CHRM3: variants seen among roughly 807,000 people sequenced by gnomAD.
CHRM3 encodes the protein cholinergic receptor muscarinic 3.
In CHRM3, 11 loss-of-function variants were observed where a neutral mutation model predicts 41.8. The ratio of observed to expected loss-of-function variants is 0.26; its 90% CI spans 0.17 to 0.44. CHRM3 has a LOEUF of 0.44. CHRM3 is among the 20% of genes least tolerant of loss of function. CHRM3 has a pLI of 1.00. For synonymous variants in CHRM3, 297 were observed against 301.4 expected, an observed-to-expected ratio of 0.99 and a Z score of 0.15; for missense variants, 571 against 745.4, an observed-to-expected ratio of 0.77 and a Z score of 2.72.
At chr1:239,765,847 G>A (rs1386912238) in intron 5 of CHRM3, among the ~76,000 whole-genome samples, 1 of 144,034 alleles carries the variant, frequency 6.9e-6, no homozygotes, top group Non-Finnish European at 1.5e-5. Context: ...ATGGAGTTTC[G>A]CTCTTGTTGC....
chr1:239,440,536 A>G (rs1663637460), intron 1 of CHRM3, among the ~76,000 whole-genome samples: 1 of 152,212 alleles, frequency 6.6e-6, no homozygotes, highest in African/African-American at 2.4e-5. Context: ...CTGGTCTTAG[A>G]CAATATGCAT....
At chr1:239,399,499 A>G (rs955755690) in intron 1 of CHRM3, among the ~76,000 whole-genome samples, 1 of 151,950 alleles carries the variant, frequency 6.6e-6, no homozygotes, top group East Asian at 1.9e-4. Flanking sequence ...CATCTCCCCA[A>G]CCATCACCCC....
intron 2 of CHRM3, among the ~76,000 whole-genome samples, chr1:239,543,294 G>T (rs1350846955): frequency 6.6e-6 from 1 of 152,110 alleles, no homozygotes; most frequent in African/African-American, 2.4e-5. Context: ...CATTGCTTGT[G>T]CCTCCTACAG....
chr1:239,502,713 G>A (rs905235691), intron 2 of CHRM3, among the ~76,000 whole-genome samples: 3 of 152,054 alleles, frequency 2.0e-5, no homozygotes, highest in Non-Finnish European at 2.9e-5. Flanking sequence ...AAATCCAATA[G>A]CATATCTAAA....
chr1:239,609,102 A>G (rs1353346516), intron 3 of CHRM3, among the ~76,000 whole-genome samples: 1 of 152,202 alleles, frequency 6.6e-6, no homozygotes, highest in Non-Finnish European at 1.5e-5. Context: ...ACTTTGTAAT[A>G]CATTGTCATG....
At chr1:239,502,128 A>T (rs906720074) in intron 2 of CHRM3, among the ~76,000 whole-genome samples, 1 of 152,208 alleles carries the variant, frequency 6.6e-6, no homozygotes, top group Non-Finnish European at 1.5e-5. Flanking sequence ...AATACAAAAG[A>T]TACGTGAAAC....
intron 1 of CHRM3, among the ~76,000 whole-genome samples, chr1:239,426,697 T>G (rs72754666): frequency 0.24 from 35,781 of 152,078 alleles, 4,489 homozygotes; most frequent in Non-Finnish European, 0.27. Context: ...ACTTACTGGT[T>G]CATATATCAG....
chr1:239,816,006 T>C (rs1438055163), intron 5 of CHRM3, among the ~76,000 whole-genome samples: 1 of 152,180 alleles, frequency 6.6e-6, no homozygotes, highest in Non-Finnish European at 1.5e-5. Context: ...TTTGTCTTTT[T>C]TTTTTCTTTT....
At chr1:239,832,103 T>C (rs1346668057) in intron 6 of CHRM3, among the ~76,000 whole-genome samples, 3 of 152,150 alleles carry the variant, frequency 2.0e-5, no homozygotes, top group African/African-American at 7.2e-5. Flanking sequence ...CACTGAATGT[T>C]TTACGGTAAA....
intron 4 of CHRM3, among the ~76,000 whole-genome samples, chr1:239,647,660 G>A (rs901179457): frequency 6.6e-6 from 1 of 152,024 alleles, no homozygotes; most frequent in African/African-American, 2.4e-5. Flanking sequence ...TCTCCAGCTG[G>A]ACAGCTCCAC....
intron 4 of CHRM3, among the ~76,000 whole-genome samples, chr1:239,642,171 C>G (rs558867711): frequency 2.8e-5 from 4 of 141,186 alleles, no homozygotes; most frequent in Non-Finnish European, 6.1e-5. Context: ...GTGGGTAACC[C>G]GACCTTTCTC....
At chr1:239,421,496 T>C (rs1661950479) in intron 1 of CHRM3, among the ~76,000 whole-genome samples, 2 of 152,224 alleles carry the variant, frequency 1.3e-5, no homozygotes, top group Admixed American at 1.3e-4. Context: ...ATAATTACAC[T>C]TAAACATTAA....
At chr1:239,408,580 T>G (rs1462359147) in intron 1 of CHRM3, among the ~76,000 whole-genome samples, 1 of 150,988 alleles carries the variant, frequency 6.6e-6, no homozygotes, top group Non-Finnish European at 1.5e-5. Context: ...CTTGGGTATG[T>G]CCTTATAGCA....
intron 5 of CHRM3, among the ~76,000 whole-genome samples, chr1:239,786,631 T>C (rs1307917008): frequency 6.6e-6 from 1 of 152,184 alleles, no homozygotes; most frequent in African/African-American, 2.4e-5. Flanking sequence ...ATCATTGTTA[T>C]AACAGAGAGG....
intron 6 of CHRM3, among the ~76,000 whole-genome samples, chr1:239,906,416 T>A (rs772385926): frequency 2.0e-4 from 31 of 152,146 alleles, no homozygotes; most frequent in Non-Finnish European, 3.8e-4. Context: ...GAGGAATGAT[T>A]TGCTTATCTA....
chr1:239,580,692 T>TAG, intron 3 of CHRM3, among the ~76,000 whole-genome samples: 2 of 130,782 alleles, frequency 1.5e-5, no homozygotes, highest in Non-Finnish European at 3.2e-5. Context: ...CCCAATTTTA[T>TAG]ATATATATAT....
At chr1:239,542,709 A>G (rs1658900531) in intron 2 of CHRM3, among the ~76,000 whole-genome samples, 1 of 152,096 alleles carries the variant, frequency 6.6e-6, no homozygotes, top group African/African-American at 2.4e-5. Context: ...CCTTCTCTTC[A>G]CCTCTAAGAT....
chr1:239,814,285 A>T (rs1671390887), intron 5 of CHRM3, among the ~76,000 whole-genome samples: 1 of 152,026 alleles, frequency 6.6e-6, no homozygotes, highest in Non-Finnish European at 1.5e-5. Flanking sequence ...GAGATGTTTG[A>T]TTTTTAAGAA....
At chr1:239,483,002 A>G (rs957837213) in intron 1 of CHRM3, among the ~76,000 whole-genome samples, 3 of 152,142 alleles carry the variant, frequency 2.0e-5, no homozygotes, top group East Asian at 1.9e-4. Context: ...TGATTTCACA[A>G]TCGAGTTTGT....
Sources: allele counts gnomAD v4.1 joint callset (sites outside exome capture counted in the v4.1 genomes callset), GRCh38; gene constraint gnomAD v4.1.1; transcripts MANE v1.5; gene names NCBI Gene and HGNC (gene_info 2026-07-23, HGNC 2026-07-21).